PIK3CB: variants seen among roughly 807,000 people sequenced by gnomAD.
PIK3CB encodes phosphatidylinositol-4,5-bisphosphate 3-kinase catalytic subunit beta, also known as phosphatidylinositol 4,5-bisphosphate 3-kinase catalytic subunit beta isoform.
Under a neutral mutation model 136.8 loss-of-function variants are expected in PIK3CB, and 39 were observed. That is an observed-to-expected ratio of 0.29 (90% CI 0.22 to 0.37). PIK3CB has a LOEUF of 0.37. Among genes scored for constraint, PIK3CB ranks in the 10% least tolerant of loss-of-function variants. The probability of loss-of-function intolerance (pLI) is 1.00; values close to 1 mark genes in which losing one functional copy is unlikely to be tolerated. For missense variants in PIK3CB, 868 were observed against 1,275.4 expected, an observed-to-expected ratio of 0.68 and a Z score of 4.87; for synonymous variants, 428 against 436.6, an observed-to-expected ratio of 0.98 and a Z score of 0.25.
intron 1 of PIK3CB, among the ~76,000 whole-genome samples, chr3:138,801,776 T>C (rs932088271): frequency 9.4e-5 from 14 of 149,150 alleles, no homozygotes; most frequent in Admixed American, 1.4e-4. Flanking sequence ...GGCAGGAGAA[T>C]TGCTTGAACC....
At position 138,733,630 on chromosome 3, in the gene PIK3CB, G is replaced by A. The variant is rs577883835; in HGVS notation, c.973-192C>T. Among the ~76,000 whole-genome samples the A allele has an allele frequency of 3.3e-5, 5 of 152,274 alleles. No homozygotes were observed. In the East Asian group the frequency reaches 9.7e-4, roughly 29 times the overall value. On this transcript the variant is annotated intron_variant, in intron 7 of 23. Coordinates refer to ENST00000674063, the MANE Select transcript of PIK3CB (RefSeq NM_006219.3). ...GCGGTGGCTCACGCCTGTAATCCCA[G>A]CACTTTGGGAGGCTGAGGCAGGTGG...
At chr3:138,691,895 C>T (rs1292527465) in intron 14 of PIK3CB, among the ~76,000 whole-genome samples, 1 of 152,048 alleles carries the variant, frequency 6.6e-6, no homozygotes, top group Non-Finnish European at 1.5e-5. Context: ...ATAAAAATTC[C>T]ATCAGTACTT....
Position 138,715,107 on chromosome 3 carries a change from T to TA in PIK3CB, c.1051-389dup, listed in dbSNP as rs545499823. Reference sequence around the variant, plus strand: ...ACTTCATTTACTTGAGGTCTTGTCTTACCCTTCTCTATGTGTAGGAAAGAA... The same window carrying TA: ...ACTTCATTTACTTGAGGTCTTGTCTTAACCCTTCTCTATGTGTAGGAAAGAA... On this transcript the variant is annotated intron_variant, in intron 8 of 23. Coordinates refer to ENST00000674063, the MANE Select transcript of PIK3CB (RefSeq NM_006219.3). Among the ~76,000 whole-genome samples the TA allele has an allele frequency of 1.7e-3, 254 of 152,364 alleles. 2 individuals are homozygous for TA. The highest frequency in any genetic ancestry group is 2.9e-3 in the Admixed American group (44 of 15,304).
chr3:138,732,650 C>G (rs573025537), intron 8 of PIK3CB, among the ~76,000 whole-genome samples: 1 of 147,368 alleles, frequency 6.8e-6, no homozygotes, highest in Admixed American at 7.0e-5. Context: ...TGGTCCATAA[C>G]GTAGTAATCT....
intron 19 of PIK3CB, among the ~76,000 whole-genome samples, chr3:138,680,825 T>C (rs948147935): frequency 6.6e-6 from 1 of 151,860 alleles, no homozygotes; most frequent in Non-Finnish European, 1.5e-5. Flanking sequence ...GTAGCTGGGA[T>C]TACAGGCTCC....
chr3:138,693,992 ATT>A lies in PIK3CB; in HGVS notation c.1892+792_1892+793del, dbSNP rs1449407695. Among the ~76,000 whole-genome samples the A allele has an allele frequency of 2.2e-3, 246 of 113,316 alleles. 2 individuals carry two copies. The highest frequency in any genetic ancestry group is 7.8e-3 in the African/African-American group (236 of 30,256). 74.3% of individuals were successfully genotyped at this position (113,316 alleles called of 152,430 possible). On this transcript the variant is annotated intron_variant, in intron 14 of 23. Transcript: ENST00000674063. ...TATATATATATATATATATATATATATTTTAAACCCATGACAAAAATTAACAT... is the reference window on the plus strand; with the variant it reads ...TATATATATATATATATATATATATATTAAACCCATGACAAAAATTAACAT...
In PIK3CB at chr3:138,652,825, T is replaced by C. The variant is rs1055531544; in HGVS notation, c.*2564A>G. On this transcript the variant is annotated 3_prime_UTR_variant, in exon 24 of 24. Transcript: ENST00000674063. ...CAATTACCCTGATGCGATAATTACA[T>C]GTTATATGCCTGTATCAAAATATTC... 4 of 221,042 alleles carry C rather than the reference T, an allele frequency of 1.8e-5. No homozygotes were observed. Among genetic ancestry groups the C allele is most frequent in the African/African-American group, 8.9e-5 (4 of 44,712 alleles). 13.7% of individuals were successfully genotyped at this position (221,042 alleles called of 1,614,324 possible).
At chr3:138,730,940 AT>A (rs2044959075) in intron 8 of PIK3CB, among the ~76,000 whole-genome samples, 1 of 151,940 alleles carries the variant, frequency 6.6e-6, no homozygotes, top group African/African-American at 2.4e-5. Context: ...TAAATAAATA[AT>A]TTTTTTAAAA....
chr3:138,710,116 C>T (rs1036158306), intron 10 of PIK3CB, among the ~76,000 whole-genome samples: 1 of 151,426 alleles, frequency 6.6e-6, no homozygotes, highest in Non-Finnish European at 1.5e-5. Flanking sequence ...CCCAGGAGGG[C>T]AAGGCTACAG....
intron 4 of PIK3CB, among the ~76,000 whole-genome samples, chr3:138,753,088 G>C (rs1284426045): frequency 1.3e-5 from 2 of 152,144 alleles, no homozygotes; most frequent in Non-Finnish European, 2.9e-5. Flanking sequence ...AGCCAGACTT[G>C]GTGGCTTGCA....
intron 13 of PIK3CB, among the ~76,000 whole-genome samples, 184 bp downstream of exon 13, chr3:138,698,723 G>A (rs563292760): frequency 2.4e-4 from 37 of 152,232 alleles, no homozygotes; most frequent in African/African-American, 8.9e-4. Flanking sequence ...CCCAAAATCT[G>A]AGATTTTTAA....
At chr3:138,754,761 G>C (rs1054089778) in intron 4 of PIK3CB, among the ~76,000 whole-genome samples, 2 of 152,266 alleles carry the variant, frequency 1.3e-5, no homozygotes, top group East Asian at 1.9e-4. Context: ...ATAGGGTTAA[G>C]ATCAAAGAAT....
At chr3:138,737,048 T>A (rs146756389) in intron 6 of PIK3CB, among the ~76,000 whole-genome samples, 5 of 152,202 alleles carry the variant, frequency 3.3e-5, no homozygotes, top group Admixed American at 3.3e-4. Context: ...TTAAAAAAAT[T>A]CATAATGATA....
In PIK3CB at chr3:138,759,278, T is replaced by C. The variant is rs1215771374; in HGVS notation, c.66A>G (p.Ser22=). The change falls in exon 3 of 24, where the codon TCA becomes TCG. Residue 22 remains serine (S), a synonymous_variant. Coordinates refer to ENST00000674063, the MANE Select transcript of PIK3CB (RefSeq NM_006219.3). ...GTATGGAGCCATCAGATGCTATCTGTGAATCCACCGCCCAGATGTCAAGGA... is the reference window on the plus strand; with the variant it reads ...GTATGGAGCCATCAGATGCTATCTGCGAATCCACCGCCCAGATGTCAAGGA... ...ADILDIWAVD[S]QIASDGSIPV... 1.2e-6 allele frequency: 2 copies of C among 1,613,068 alleles called. No individual in the cohort carries two copies. Among genetic ancestry groups the C allele is most frequent in the Non-Finnish European group, 1.7e-6 (2 of 1,179,280 alleles).
intron 1 of PIK3CB, among the ~76,000 whole-genome samples, chr3:138,832,872 C>G (rs776168918): frequency 2.1e-5 from 3 of 139,922 alleles, no homozygotes; most frequent in Admixed American, 1.4e-4. Flanking sequence ...ATTGGCCAGG[C>G]GTGGTGGCAC....
rs77831997 is a variant in PIK3CB at position 138,698,356 on chromosome 3, G to C, written c.1770+551C>G. Among the ~76,000 whole-genome samples, 419 of 152,242 alleles carry C rather than the reference G, an allele frequency of 2.8e-3. 1 individual carries two copies. Among genetic ancestry groups the C allele is most frequent in the African/African-American group, 9.7e-3 (404 of 41,526 alleles). On this transcript the variant is annotated intron_variant, in intron 13 of 23. Transcript: ENST00000674063. ...GAATAAATGCCAGTGCTTTTTGGCA[G>C]GGTCTTGAAAATTAAATCAGGGAAC...
At chr3:138,705,313 A>G (rs1251861836) in intron 11 of PIK3CB, among the ~76,000 whole-genome samples, 1 of 152,008 alleles carries the variant, frequency 6.6e-6, no homozygotes, top group Non-Finnish European at 1.5e-5. Flanking sequence ...GAACATGATA[A>G]TAGTCACAGC....
chr3:138,799,697 A>C (rs1349061480), intron 1 of PIK3CB, among the ~76,000 whole-genome samples: 1 of 151,800 alleles, frequency 6.6e-6, no homozygotes, highest in Non-Finnish European at 1.5e-5. Flanking sequence ...TCTGTTTTTG[A>C]GACAGGTTCT....
At chr3:138,719,841 T>A (rs2044689922) in intron 8 of PIK3CB, among the ~76,000 whole-genome samples, 1 of 152,040 alleles carries the variant, frequency 6.6e-6, no homozygotes, top group Non-Finnish European at 1.5e-5. Flanking sequence ...ACATTTAACC[T>A]AAATTCCATT....
Sources: allele counts gnomAD v4.1 joint callset (sites outside exome capture counted in the v4.1 genomes callset), GRCh38; gene constraint gnomAD v4.1.1; transcripts MANE v1.5; gene names NCBI Gene and HGNC (gene_info 2026-07-23, HGNC 2026-07-21).